ZNF354B: variants seen among roughly 807,000 people sequenced by gnomAD.
ZNF354B encodes zinc finger protein 354B.
ZNF354B carries 10 observed loss-of-function variants against 12.9 expected under a neutral mutation model. That is an observed-to-expected ratio of 0.77 (90% CI 0.48 to 1.31). The LOEUF is 1.31. Ranked by LOEUF, ZNF354B falls within the 40% of genes most tolerant of loss-of-function variation. The probability of loss-of-function intolerance (pLI) is 0.00; values close to 1 mark genes in which losing one functional copy is unlikely to be tolerated. For synonymous variants in ZNF354B, 260 were observed against 243.7 expected, an observed-to-expected ratio of 1.07 and a Z score of -0.62; for missense variants, 614 against 711.7, an observed-to-expected ratio of 0.86 and a Z score of 1.56.
intron 4 of ZNF354B, among the ~76,000 whole-genome samples, chr5:178,876,916 T>A (rs7448445): frequency 6.8e-6 from 1 of 147,738 alleles, no homozygotes; most frequent in African/African-American, 2.5e-5. Flanking sequence ...TACTTTCCTA[T>A]TTTTTTATGC....
At chr5:178,864,295 C>T (rs1347296368) in intron 2 of ZNF354B, among the ~76,000 whole-genome samples, 1 of 152,150 alleles carries the variant, frequency 6.6e-6, no homozygotes, top group East Asian at 1.9e-4. Context: ...TGCACAGACA[C>T]TTAGCATTGT....
intron 1 of ZNF354B, among the ~76,000 whole-genome samples, chr5:178,860,420 G>A (rs1223811707): frequency 4.0e-5 from 6 of 151,130 alleles, no homozygotes; most frequent in Middle Eastern, 3.4e-3. Flanking sequence ...GGGACCCCGA[G>A]CGCAGGGCAG....
intron 1 of ZNF354B, among the ~76,000 whole-genome samples, chr5:178,860,464 A>T (rs539016684): frequency 1.3e-5 from 2 of 152,232 alleles, no homozygotes; most frequent in South Asian, 4.1e-4. Flanking sequence ...GTCAGTCCCC[A>T]GGACGGCCAC....
chr5:178,871,247 A>G (rs112200212), intron 4 of ZNF354B, among the ~76,000 whole-genome samples: 22,563 of 151,998 alleles, frequency 0.15, 2,037 homozygotes, highest in African/African-American at 0.25. Flanking sequence ...CCCTTCATTC[A>G]AGGCCTCTGA....
At chr5:178,863,192 T>C (rs1757388367) in intron 2 of ZNF354B, among the ~76,000 whole-genome samples, 1 of 152,208 alleles carries the variant, frequency 6.6e-6, no homozygotes, top group Admixed American at 6.5e-5. Flanking sequence ...CATAAAAATA[T>C]TGCAGGGTTA....
At chr5:178,879,893 C>T (rs1757692896) in intron 4 of ZNF354B, among the ~76,000 whole-genome samples, 1 of 151,672 alleles carries the variant, frequency 6.6e-6, no homozygotes, top group East Asian at 1.9e-4. Flanking sequence ...TTTGAGAGGC[C>T]AAGGTGGGTG....
intron 4 of ZNF354B, among the ~76,000 whole-genome samples, chr5:178,875,882 T>G (rs2114021245): frequency 6.6e-6 from 1 of 152,208 alleles, no homozygotes; most frequent in East Asian, 1.9e-4. Flanking sequence ...CTGGGAGTCC[T>G]TCCTCAGGGA....
At chr5:178,882,522 G>C (rs1472559880) in intron 4 of ZNF354B, among the ~76,000 whole-genome samples, 187 bp from the exon 5 acceptor site, 1 of 152,000 alleles carries the variant, frequency 6.6e-6, no homozygotes, top group Non-Finnish European at 1.5e-5. Flanking sequence ...AACTGAGTTT[G>C]TTTTATTCAT....
chr5:178,872,190 C>T (rs929762059), intron 4 of ZNF354B, among the ~76,000 whole-genome samples: 1 of 152,064 alleles, frequency 6.6e-6, no homozygotes, highest in Non-Finnish European at 1.5e-5. Context: ...GTTCTCCGTT[C>T]TATAATTTTA....
chr5:178,883,456 C>G lies in ZNF354B; in HGVS notation c.1004C>G (p.Ser335Cys). The G allele has an allele frequency of 6.2e-7, 1 of 1,614,076 alleles. No homozygotes were observed. The highest frequency in any genetic ancestry group is 8.5e-7 in the Non-Finnish European group (1 of 1,179,970). ...AAATACAATCCAGGCAGGAAGGCAT[C>G]CAGTTACAGCACTTCCCTTTCTGGA... ...PHKYNPGRKA[S>C]SYSTSLSGSQ... is the part of the protein sequence containing the mutation. The change falls in exon 5 of 5, where the codon TCC becomes TGC. Residue 335 changes from serine (S) to cysteine (C), a missense_variant. Transcript: ENST00000322434.
intron 4 of ZNF354B, among the ~76,000 whole-genome samples, chr5:178,877,586 A>T (rs1471566967): frequency 1.3e-5 from 2 of 152,206 alleles, no homozygotes; most frequent in Non-Finnish European, 2.9e-5. Context: ...GGGATTGCAA[A>T]AATGGCAGCC....
At chr5:178,872,559 C>A (rs1204502058) in intron 4 of ZNF354B, among the ~76,000 whole-genome samples, 2 of 152,156 alleles carry the variant, frequency 1.3e-5, no homozygotes, top group Admixed American at 1.3e-4. Context: ...GAAGACATAG[C>A]CAAGTTGTTT....
At chr5:178,878,418 TTCTTA>T (rs1757669577) in intron 4 of ZNF354B, among the ~76,000 whole-genome samples, 1 of 152,042 alleles carries the variant, frequency 6.6e-6, no homozygotes, top group South Asian at 2.1e-4. Context: ...ATGAAGTTAA[TTCTTA>T]TCATTTGGGG....
intron 4 of ZNF354B, among the ~76,000 whole-genome samples, chr5:178,870,245 C>G (rs538406825): frequency 6.6e-6 from 1 of 152,178 alleles, no homozygotes; most frequent in African/African-American, 2.4e-5. Flanking sequence ...AGGACTCTCT[C>G]GAACCTCCAG....
At chr5:178,870,596 T>C (rs1021001121) in intron 4 of ZNF354B, among the ~76,000 whole-genome samples, 3 of 152,078 alleles carry the variant, frequency 2.0e-5, no homozygotes, top group South Asian at 2.1e-4. Flanking sequence ...GTTTTCTTAC[T>C]GCAAGAAGCC....
intron 2 of ZNF354B, among the ~76,000 whole-genome samples, chr5:178,865,821 A>C (rs75003029): frequency 0.15 from 22,577 of 152,126 alleles, 2,056 homozygotes; most frequent in African/African-American, 0.25. Flanking sequence ...AACCCAGCCT[A>C]TATCAGTGAG....
intron 4 of ZNF354B, among the ~76,000 whole-genome samples, chr5:178,880,785 T>C (rs1162542390): frequency 6.6e-6 from 1 of 151,120 alleles, no homozygotes; most frequent in East Asian, 2.0e-4. Flanking sequence ...CCACTGTACC[T>C]GTACCCAGCC....
chr5:178,872,699 T>C (rs986208031), intron 4 of ZNF354B, among the ~76,000 whole-genome samples: 1 of 152,262 alleles, frequency 6.6e-6, no homozygotes, highest in Admixed American at 6.5e-5. Flanking sequence ...TATGGTGAAA[T>C]ACATTGTGAT....
At chr5:178,882,408 A>G (rs1757730325) in intron 4 of ZNF354B, among the ~76,000 whole-genome samples, 1 of 152,154 alleles carries the variant, frequency 6.6e-6, no homozygotes, top group Admixed American at 6.5e-5. Flanking sequence ...TGAGTCCATC[A>G]TAGGCTTTGG....
Sources: gnomAD v4.1 joint callset for allele counts (sites outside exome capture counted in the v4.1 genomes callset) on GRCh38, gnomAD v4.1.1 for gene constraint, MANE v1.5 for transcripts, NCBI Gene and HGNC (gene_info 2026-07-23, HGNC 2026-07-21) for gene names.